The following C3orf22 variants were observed in gnomAD, a reference collection of about 807,000 sequenced individuals.
C3orf22 encodes the protein uncharacterized protein C3orf22.
C3orf22 carries 7 observed loss-of-function variants against 10.8 expected under a neutral mutation model. That is an observed-to-expected ratio of 0.65 (90% confidence interval 0.37 to 1.22). The LOEUF (loss-of-function observed/expected upper bound fraction) is 1.22. Ranked by LOEUF, C3orf22 falls within the 50% of genes most tolerant of loss-of-function variation. The pLI is 0.02. For missense variants in C3orf22, 173 were observed against 177.0 expected, an observed-to-expected ratio of 0.98 and a Z score of 0.13; for synonymous variants, 79 against 78.9, an observed-to-expected ratio of 1.00 and a Z score of 0.00.
chr3:126,536,425 G>C, intron 4 of C3orf22: 1 of 1,200,354 alleles, frequency 8.3e-7, no homozygotes, highest in South Asian at 1.3e-5. Flanking sequence ...CAACAGTGCA[G>C]ACCTGCTGGC....
At chr3:126,547,733 C>T (rs746337009), downstream of C3orf22, among the ~76,000 whole-genome samples, 3 of 152,076 alleles carry the variant, frequency 2.0e-5, no homozygotes, top group Non-Finnish European at 2.9e-5. Context: ...AGGAGGTGCT[C>T]AGGAGCCCTC....
chr3:126,536,576 A>C (rs908453275), intron 4 of C3orf22, among the ~76,000 whole-genome samples: 1 of 152,040 alleles, frequency 6.6e-6, no homozygotes, highest in African/African-American at 2.4e-5. Context: ...ATCCATCAAC[A>C]ATCTGAGGCC....
chr3:126,531,261 A>G (rs972844680), intron 4 of C3orf22, among the ~76,000 whole-genome samples: 1 of 152,298 alleles, frequency 6.6e-6, no homozygotes, highest in East Asian at 1.9e-4. Flanking sequence ...CTTGAGTTTA[A>G]TGGGCCCCAC....
intron 4 of C3orf22, among the ~76,000 whole-genome samples, chr3:126,541,047 T>G (rs1028389283): frequency 6.6e-6 from 1 of 152,212 alleles, no homozygotes; most frequent in Non-Finnish European, 1.5e-5. Context: ...ATGGAAGCGC[T>G]GGCCTGGGTC....
chr3:126,544,431 C>T (rs976233671), intron 4 of C3orf22, among the ~76,000 whole-genome samples: 2 of 152,204 alleles, frequency 1.3e-5, no homozygotes, highest in African/African-American at 2.4e-5. Context: ...AGGTACTGGG[C>T]CAGAGCCCCA....
At chr3:126,535,004 A>G (rs1259957110) in intron 4 of C3orf22, among the ~76,000 whole-genome samples, 1 of 144,230 alleles carries the variant, frequency 6.9e-6, no homozygotes, top group Non-Finnish European at 1.5e-5. Context: ...AGACAGACAG[A>G]CAGCATCCCT....
downstream of C3orf22, among the ~76,000 whole-genome samples, chr3:126,549,249 A>C (rs201435748): frequency 8.2e-5 from 12 of 146,576 alleles, no homozygotes; most frequent in African/African-American, 2.9e-4. Flanking sequence ...CTCCTCATCC[A>C]CGCCCCCCCC....
At chr3:126,546,049 T>G (rs760552105), downstream of C3orf22, among the ~76,000 whole-genome samples, 5 of 152,182 alleles carry the variant, frequency 3.3e-5, no homozygotes, top group Non-Finnish European at 5.9e-5. Flanking sequence ...TCCAGTGCAA[T>G]GCCATTGGCC....
intron 4 of C3orf22, among the ~76,000 whole-genome samples, chr3:126,543,624 A>T (rs1383210085): frequency 2.0e-5 from 3 of 151,974 alleles, no homozygotes; most frequent in Non-Finnish European, 2.9e-5. Flanking sequence ...GCTGCCTCCC[A>T]CCTTTGTGCG....
intron 1 of C3orf22, among the ~76,000 whole-genome samples, chr3:126,554,074 G>T (rs1937266867): frequency 6.6e-6 from 1 of 152,170 alleles, no homozygotes; most frequent in Non-Finnish European, 1.5e-5. Flanking sequence ...GGAGTGCCGT[G>T]GTTGATCACG....
chr3:126,542,303 C>T, intron 4 of C3orf22: 1 of 1,567,814 alleles, frequency 6.4e-7, no homozygotes, highest in Non-Finnish European at 8.6e-7. Flanking sequence ...GGAGCGCGCG[C>T]ACGCGCTCTG....
At chr3:126,554,345 C>A (rs994652980) in intron 1 of C3orf22, among the ~76,000 whole-genome samples, 52 of 150,770 alleles carry the variant, frequency 3.4e-4, no homozygotes, top group African/African-American at 1.2e-3. Context: ...CTCACTGCAA[C>A]CTCTGCCTCC....
intron 3 of C3orf22, among the ~76,000 whole-genome samples, chr3:126,551,171 C>T (rs1384033739): frequency 6.6e-6 from 1 of 152,152 alleles, no homozygotes; most frequent in Admixed American, 6.5e-5. Flanking sequence ...TTCAGGGGAA[C>T]GCGTGTGCAT....
At chr3:126,537,989 G>T (rs1156293671) in intron 4 of C3orf22, among the ~76,000 whole-genome samples, 3 of 152,206 alleles carry the variant, frequency 2.0e-5, no homozygotes, top group African/African-American at 7.2e-5. Context: ...GTGCAGCCCC[G>T]GACAGTGGAC....
In C3orf22 at chr3:126,534,404, GAC is replaced by G. The variant is rs1936720175; in HGVS notation, c.287-5034_287-5033del. Among the ~76,000 whole-genome samples the G allele has an allele frequency of 5.3e-5, 8 of 152,292 alleles. No individual in the cohort carries two copies. In the South Asian group the frequency reaches 1.7e-3, roughly 32 times the overall value. On this transcript the variant is annotated intron_variant and NMD_transcript_variant, in intron 4 of 5. Transcript: ENST00000505070. ...AGTGCAGCAAGGAGACAGACAGACA[GAC>G]AGACAGCATCCCTGTCCTCATCTGG...
chr3:126,529,042 T>C, intron 5 of C3orf22: 2 of 353,552 alleles, frequency 5.7e-6, no homozygotes, highest in South Asian at 4.1e-5. Flanking sequence ...TGCTGGAACT[T>C]ATTAACCAGA....
intron 2 of C3orf22, 109 bp from the exon 3 acceptor site, chr3:126,552,231 C>T (rs1206835040): frequency 6.6e-7 from 1 of 1,514,570 alleles, no homozygotes; most frequent in South Asian, 1.2e-5. Context: ...AAGTGCTTCA[C>T]AAATATTAGC....
intron 4 of C3orf22, among the ~76,000 whole-genome samples, chr3:126,531,018 T>C (rs1437479205): frequency 6.6e-6 from 1 of 152,252 alleles, no homozygotes; most frequent in Non-Finnish European, 1.5e-5. Context: ...GGCTTTAGGG[T>C]TCTGGAGGCC....
chr3:126,549,175 C>T (rs1442434035), downstream of C3orf22, among the ~76,000 whole-genome samples: 1 of 151,994 alleles, frequency 6.6e-6, no homozygotes, highest in African/African-American at 2.4e-5. Flanking sequence ...AAATGGTGTG[C>T]CTCACTCTCG....
Sources: gnomAD v4.1 joint callset for allele counts (sites outside exome capture counted in the v4.1 genomes callset) on GRCh38, gnomAD v4.1.1 for gene constraint, MANE v1.5 for transcripts, NCBI Gene and HGNC (gene_info 2026-07-23, HGNC 2026-07-21) for gene names.